NIPAL1: variants seen among roughly 807,000 people sequenced by gnomAD.
NIPAL1 encodes the protein magnesium transporter NIPA3.
NIPAL1 carries 35 observed loss-of-function variants against 37.7 expected under a neutral mutation model. The ratio of observed to expected loss-of-function variants is 0.93; its 90% confidence interval spans 0.71 to 1.23. NIPAL1 has a LOEUF of 1.23. NIPAL1 is among the 50% of genes most tolerant of loss of function. The pLI is 0.00. For synonymous variants in NIPAL1, 162 were observed against 183.0 expected, an observed-to-expected ratio of 0.89 and a Z score of 0.93; for missense variants, 412 against 473.9, an observed-to-expected ratio of 0.87 and a Z score of 1.21.
intron 4 of NIPAL1, among the ~76,000 whole-genome samples, 194 bp downstream of exon 4, chr4:48,033,277 A>G (rs565728052): frequency 6.6e-6 from 1 of 152,334 alleles, no homozygotes; most frequent in Non-Finnish European, 1.5e-5. Flanking sequence ...ACTCAGGCTC[A>G]GTTTACTCAT....
chr4:48,031,979 T>A (rs1457785938), intron 3 of NIPAL1, among the ~76,000 whole-genome samples: 2 of 152,208 alleles, frequency 1.3e-5, no homozygotes, highest in Non-Finnish European at 2.9e-5. Flanking sequence ...CCTCAAGTGA[T>A]CTTCTCCCCT....
chr4:48,024,918 T>C, intron 1 of NIPAL1, 150 bp from the exon 2 acceptor site: 1 of 656,950 alleles, frequency 1.5e-6, no homozygotes, highest in Non-Finnish European at 2.7e-6. Context: ...ACAGTGTCTA[T>C]AGGTCTGTGG....
intron 3 of NIPAL1, among the ~76,000 whole-genome samples, chr4:48,030,574 C>T (rs1043120544): frequency 2.3e-4 from 35 of 152,128 alleles, no homozygotes; most frequent in Admixed American, 2.3e-3. Context: ...GTTTCCTTGC[C>T]AGGACAACAC....
At position 48,025,084 on chromosome 4, in the gene NIPAL1, G is replaced by A. The variant is rs375844152; in HGVS notation, c.63G>A (p.Leu21=). 2 of 1,613,726 alleles carry A rather than the reference G, an allele frequency of 1.2e-6. No individual in the cohort carries two copies. The highest frequency in any genetic ancestry group is 2.2e-5 in the South Asian group (2 of 91,076). Residue 21 remains leucine, a synonymous_variant, in exon 2 of 6, where the codon CTG becomes CTA. Transcript: ENST00000295461. The part of the protein sequence containing the change: ...EPCREGYVLS[L]VCPNSSQAWC... Reference sequence around the variant, plus strand: ...TTTTTCCAGGATATGTGCTGTCTCTGGTCTGTCCAAACTCCTCCCAGGCTT... The same window carrying A: ...TTTTTCCAGGATATGTGCTGTCTCTAGTCTGTCCAAACTCCTCCCAGGCTT...
chr4:48,032,030 T>C (rs1166340089), intron 3 of NIPAL1, among the ~76,000 whole-genome samples: 8 of 152,212 alleles, frequency 5.3e-5, no homozygotes. Flanking sequence ...TGAGTCACCA[T>C]GCCCGGCCTT....
intron 2 of NIPAL1, among the ~76,000 whole-genome samples, chr4:48,028,855 C>T (rs549354412): frequency 6.6e-6 from 1 of 152,164 alleles, no homozygotes; most frequent in East Asian, 1.9e-4. Flanking sequence ...CAAATTAAAA[C>T]CACAATGAGA....
chr4:48,018,032 C>G (rs1406700839), intron 1 of NIPAL1, among the ~76,000 whole-genome samples: 1 of 151,938 alleles, frequency 6.6e-6, no homozygotes, highest in African/African-American at 2.4e-5. Context: ...GAGAAAAATG[C>G]CTGAACAATT....
chr4:48,031,134 G>T (rs574607596), intron 3 of NIPAL1, among the ~76,000 whole-genome samples: 1 of 151,906 alleles, frequency 6.6e-6, no homozygotes, highest in African/African-American at 2.4e-5. Flanking sequence ...GCAGGATCTC[G>T]GCCCACTGCA....
Position 48,036,278 on chromosome 4 carries a change from T to C in NIPAL1, c.*106T>C. On this transcript the variant is annotated 3_prime_UTR_variant, in exon 6 of 6. Coordinates refer to ENST00000295461, the MANE Select transcript of NIPAL1 (RefSeq NM_207330.3). ...AGGAAAGTTAGCATTTTTGCAGTTC[T>C]AACTAATTTAGATGTGAGGCCAAGT... is the stretch of plus-strand genomic sequence containing the variant. 1 of 1,122,968 alleles carries C rather than the reference T, an allele frequency of 8.9e-7. No homozygotes were observed. The highest frequency in any genetic ancestry group is 1.3e-6 in the Non-Finnish European group (1 of 793,972). 69.6% of individuals were successfully genotyped at this position (1,122,968 alleles called of 1,614,324 possible).
chr4:48,025,514 A>G (rs1715667841), intron 2 of NIPAL1, among the ~76,000 whole-genome samples, 180 bp downstream of exon 2: 1 of 152,230 alleles, frequency 6.6e-6, no homozygotes, highest in South Asian at 2.1e-4. Context: ...CTCATGGTTA[A>G]TGAAGGGATA....
Position 48,026,387 on chromosome 4 carries a change from TAAATTA to T in NIPAL1, c.313+1054_313+1059del, listed in dbSNP as rs1715687303. Among the ~76,000 whole-genome samples the T allele has an allele frequency of 2.0e-5, 3 of 152,152 alleles. No individual in the cohort carries two copies. In the South Asian group the frequency reaches 6.2e-4, roughly 32 times the overall value. ...CCATATGGAAAAAAATCAATGATTATAAATTACACAAGCAAGTTTATAAAAGAGTAC... is the reference window on the plus strand; with the variant it reads ...CCATATGGAAAAAAATCAATGATTATCACAAGCAAGTTTATAAAAGAGTAC... On this transcript the variant is annotated intron_variant, in intron 2 of 5. Transcript: ENST00000295461.
intron 4 of NIPAL1, among the ~76,000 whole-genome samples, chr4:48,033,930 A>C (rs1053825529): frequency 6.6e-6 from 1 of 152,230 alleles, no homozygotes; most frequent in South Asian, 2.1e-4. Flanking sequence ...TATGCAATGA[A>C]TAGCTAGTAG....
chr4:48,028,831 T>A (rs754146097), intron 2 of NIPAL1, among the ~76,000 whole-genome samples: 1 of 152,184 alleles, frequency 6.6e-6, no homozygotes, highest in Non-Finnish European at 1.5e-5. Context: ...GTGTAACTAA[T>A]CACCAGAGAA....
chr4:48,025,372 A>G, intron 2 of NIPAL1, 38 bp downstream of exon 2: 1 of 1,593,480 alleles, frequency 6.3e-7, no homozygotes, highest in Non-Finnish European at 8.6e-7. Context: ...TAAGTTTCTA[A>G]CTGCAGAAAT....
intron 1 of NIPAL1, 148 bp from the exon 2 acceptor site, chr4:48,024,920 G>A: frequency 1.5e-6 from 1 of 662,856 alleles, no homozygotes; most frequent in Non-Finnish European, 2.7e-6. Flanking sequence ...AGTGTCTATA[G>A]GTCTGTGGGC....
At chr4:48,028,957 C>A (rs7690816) in intron 2 of NIPAL1, among the ~76,000 whole-genome samples, 7,303 of 152,230 alleles carry the variant, frequency 0.048, 575 homozygotes, top group African/African-American at 0.17. Flanking sequence ...AATGCTTATA[C>A]TCTGTTGGTG....
chr4:48,025,138 G>A lies in NIPAL1; in HGVS notation c.117G>A (p.Leu39=), dbSNP rs1157637363. 2.5e-6 allele frequency: 4 copies of A among 1,613,652 alleles called. No individual in the cohort carries two copies. In the African/African-American group the frequency reaches 5.3e-5, roughly 22 times the overall value. ...GTGAGATCACAAATGTGTCACAGCT[G>A]CTGGCTTCTCCTGTGCTCTACACGG... The part of the protein sequence containing the change: ...AWCEITNVSQ[L]LASPVLYTDL... The change falls in exon 2 of 6, where the codon CTG becomes CTA. Residue 39 remains leucine, a synonymous_variant. Transcript: ENST00000295461.
At chr4:48,025,022 A>AC in intron 1 of NIPAL1, 46 bp from the exon 2 acceptor site, 1 of 1,563,848 alleles carries the variant, frequency 6.4e-7, no homozygotes, top group Non-Finnish European at 8.8e-7. Context: ...AAGCATTAAT[A>AC]CCTCTCCCTT....
At position 48,032,975 on chromosome 4, in the gene NIPAL1, T is replaced by G; in HGVS notation, c.371-18T>G. The G allele has an allele frequency of 6.3e-7, 1 of 1,589,382 alleles. No individual in the cohort carries two copies. Among genetic ancestry groups the G allele is most frequent in the South Asian group, 1.1e-5 (1 of 90,138 alleles). The stretch of plus-strand genomic sequence containing the variant: ...AGTAAGCCCATTTTTTATATCAATA[T>G]CTCTGCTTGCTTTCTAGTGGGAGCA... On this transcript the variant is annotated intron_variant, in intron 3 of 5. Coordinates refer to ENST00000295461, the MANE Select transcript of NIPAL1 (RefSeq NM_207330.3).
Sources: allele counts gnomAD v4.1 joint callset (sites outside exome capture counted in the v4.1 genomes callset), GRCh38; gene constraint gnomAD v4.1.1; transcripts MANE v1.5; gene names NCBI Gene and HGNC (gene_info 2026-07-23, HGNC 2026-07-21).